The following MCF2 variants were observed in gnomAD, a reference collection of about 807,000 sequenced individuals.
MCF2 encodes the protein MCF.2 cell line derived transforming sequence.
MCF2 carries 44 observed loss-of-function variants against 82.5 expected under a neutral mutation model. That is an observed-to-expected ratio of 0.53 (90% CI 0.42 to 0.69). MCF2 has a LOEUF of 0.69. Among genes scored for constraint, MCF2 ranks in the 30% least tolerant of loss-of-function variants. The probability of loss-of-function intolerance (pLI) is 0.00; values close to 1 mark genes in which losing one functional copy is unlikely to be tolerated. For synonymous variants in MCF2, 217 were observed against 224.9 expected (o/e 0.96, Z 0.32); for missense variants, 623 against 663.1 (o/e 0.94, Z 0.66).
At chrX:139,586,685 G>A (rs1361638693) in intron 22 of MCF2, among the ~76,000 whole-genome samples, 198 bp from the exon 27 acceptor site, 3 of 111,410 alleles carry the variant, frequency 2.7e-5, no homozygotes, top group Admixed American at 9.6e-5. Flanking sequence ...ATCCAAGCCA[G>A]CAGGTTCTCT....
intron 6 of MCF2, among the ~76,000 whole-genome samples, chrX:139,620,928 C>T (rs1932302753): frequency 9.0e-6 from 1 of 111,368 alleles, no homozygotes. Context: ...GCAAAAAGAA[C>T]AAGGGCAGAA....
At chrX:139,591,268 A>C (rs963574265) in intron 19 of MCF2, among the ~76,000 whole-genome samples, 3 of 111,409 alleles carry the variant, frequency 2.7e-5, no homozygotes, top group Admixed American at 9.6e-5. Context: ...ATAAGGACTA[A>C]ATAGCATGGA....
intron 11 of MCF2, among the ~76,000 whole-genome samples, chrX:139,608,787 T>C (rs993299136): frequency 7.1e-5 from 8 of 111,909 alleles, no homozygotes; most frequent in Non-Finnish European, 1.5e-4. Flanking sequence ...AGCAATGGCA[T>C]TCTTTTCCTC....
chrX:139,616,302 T>C (rs765110121), exon 9 of MCF2: 1 of 1,121,856 alleles, frequency 8.9e-7, no homozygotes, highest in Non-Finnish European at 1.2e-6. Context: ...GGAGATAATA[T>C]TACATCAAAT....
At chrX:139,614,262 A>C (rs1343159952) in intron 10 of MCF2, among the ~76,000 whole-genome samples, 1 of 111,965 alleles carries the variant, frequency 8.9e-6, no homozygotes. Flanking sequence ...CTAGGAGATT[A>C]AAACTAGAAA....
chrX:139,589,555 T>C (rs1191123172), intron 20 of MCF2, among the ~76,000 whole-genome samples: 2 of 111,532 alleles, frequency 1.8e-5, no homozygotes, highest in African/African-American at 3.3e-5. Flanking sequence ...GGAAATTTGA[T>C]GGGGACAGAG....
chrX:139,603,292 G>T (rs1930701614), intron 15 of MCF2, among the ~76,000 whole-genome samples: 1 of 112,304 alleles, frequency 8.9e-6, no homozygotes, highest in African/African-American at 3.2e-5. Flanking sequence ...ACCACAACTG[G>T]TTGCTAAGAA....
chrX:139,586,908 T>C (rs1357385609), intron 22 of MCF2, among the ~76,000 whole-genome samples: 1 of 111,914 alleles, frequency 8.9e-6, no homozygotes, highest in Non-Finnish European at 1.9e-5. Context: ...ACTCCTATAA[T>C]GTACGATAAA....
At chrX:139,617,613 C>T (rs1932015743) in exon 8 of MCF2, 2 of 1,202,943 alleles carry the variant, frequency 1.7e-6, no homozygotes, top group Non-Finnish European at 2.2e-6. Context: ...TAGCTCATTG[C>T]ACCTCTGGCA....
intron 6 of MCF2, among the ~76,000 whole-genome samples, chrX:139,622,495 G>A (rs1347969413): frequency 3.6e-5 from 4 of 111,654 alleles, no homozygotes; most frequent in African/African-American, 1.3e-4. Context: ...GTCCAACAAC[G>A]ATAGAGTGGA....
At chrX:139,604,616 C>A in intron 15 of MCF2, 65 bp downstream of exon 19, 1 of 720,340 alleles carries the variant, frequency 1.4e-6, no homozygotes, top group South Asian at 3.0e-5. Context: ...CAAATCTGTT[C>A]TTATAAGTGA....
In MCF2 at chrX:139,596,434, A is replaced by C. The variant is rs1569346595; in HGVS notation, c.2277+115T>G. The C allele has an allele frequency of 3.9e-5, 20 of 518,034 alleles. No individual in the cohort carries two copies. In the East Asian group the frequency reaches 7.2e-4, roughly 19 times the overall value. The allele number at this position is 518,034 out of a possible 1,213,427, so 42.7% of individuals were successfully genotyped here. ...TAAGACTTAAGATTTTTTAAAAAAA[A>C]CAAAGATGTGCAGCGAAAGTATAAA... On this transcript the variant is annotated intron_variant, in intron 19 of 24. Coordinates refer to ENST00000370576, the Ensembl canonical transcript of MCF2.
At chrX:139,606,767 T>C (rs1419298274) in intron 12 of MCF2, among the ~76,000 whole-genome samples, 1 of 111,951 alleles carries the variant, frequency 8.9e-6, no homozygotes, top group East Asian at 2.8e-4. Context: ...TTGTCCCCAG[T>C]ATAAGTAACC....
At chrX:139,613,921 T>A (rs1003953319) in intron 10 of MCF2, among the ~76,000 whole-genome samples, 9 of 111,254 alleles carry the variant, frequency 8.1e-5, no homozygotes, top group Admixed American at 2.9e-4. Flanking sequence ...CCTGCTTTCA[T>A]CACCTTTTGA....
At chrX:139,598,913 T>A (rs1468149002) in intron 16 of MCF2, among the ~76,000 whole-genome samples, 1 of 110,564 alleles carries the variant, frequency 9.0e-6, no homozygotes, top group African/African-American at 3.3e-5. Context: ...TAAATCAGAC[T>A]GGATATGAGA....
At chrX:139,675,311 A>G (rs1234709319) in intron 1 of MCF2, among the ~76,000 whole-genome samples, 1 of 112,370 alleles carries the variant, frequency 8.9e-6, no homozygotes, top group African/African-American at 3.2e-5. Flanking sequence ...TCAGCTCATC[A>G]AAGTCATTCT....
chrX:139,600,020 G>C (rs1009366494), intron 16 of MCF2, among the ~76,000 whole-genome samples: 1 of 111,709 alleles, frequency 9.0e-6, no homozygotes, highest in Admixed American at 9.5e-5. Flanking sequence ...CAACATGGAC[G>C]AACCACTAAA....
intron 18 of MCF2, 65 bp downstream of exon 22, chrX:139,597,395 G>T: frequency 2.3e-6 from 2 of 870,545 alleles, no homozygotes; most frequent in South Asian, 4.0e-5. Flanking sequence ...TTGGTTCCAG[G>T]AGGGGAAAAG....
chrX:139,672,330 G>A (rs1433730564), intron 1 of MCF2, among the ~76,000 whole-genome samples: 1 of 112,216 alleles, frequency 8.9e-6, no homozygotes, highest in Non-Finnish European at 1.9e-5. Flanking sequence ...TGATTGCCCT[G>A]GCCAGAACTT....
Sources: allele counts gnomAD v4.1 joint callset (sites outside exome capture counted in the v4.1 genomes callset), GRCh38; gene constraint gnomAD v4.1.1; transcripts MANE v1.5; gene names NCBI Gene and HGNC (gene_info 2026-07-23, HGNC 2026-07-21).